Variants in TPPP observed in about 807,000 individuals in gnomAD.
The protein encoded by TPPP is tubulin polymerization-promoting protein.
Under a neutral mutation model 15.5 loss-of-function variants are expected in TPPP, and 6 were observed. That is an observed-to-expected ratio of 0.39 (90% CI 0.21 to 0.77). The LOEUF is 0.77. Among genes scored for constraint, TPPP ranks in the 30% least tolerant of loss-of-function variants. The pLI is 0.42. For missense variants in TPPP, 269 were observed against 307.2 expected, an observed-to-expected ratio of 0.88 and a Z score of 0.93; for synonymous variants, 146 against 133.9, an observed-to-expected ratio of 1.09 and a Z score of -0.63.
At chr5:672,927 C>T (rs1171168439) in intron 2 of TPPP, among the ~76,000 whole-genome samples, 4 of 152,226 alleles carry the variant, frequency 2.6e-5, no homozygotes, top group South Asian at 2.1e-4. Context: ...GCCATGGCAA[C>T]GAGGACTAAA....
chr5:700,246 T>A, the TPPP span, among the ~76,000 whole-genome samples: 3 of 151,966 alleles, frequency 2.0e-5, no homozygotes, highest in African/African-American at 7.2e-5. Context: ...ATACACAAGG[T>A]AATACTACCC....
rs1739828536 is a variant in TPPP, at chr5:664,879, G to A, written c.*223C>T. 5.2e-6 allele frequency: 3 copies of A among 579,944 alleles called. No homozygotes were observed. The Admixed American group carries it at 9.3e-5, about 18-fold the overall frequency. 35.9% of individuals were successfully genotyped at this position (579,944 alleles called of 1,614,324 possible). ...GCTGAGGACGAGGCAGGTGTATTAG[G>A]AGGGTCAGCGAACTGGGGCCCAAAC... On this transcript the variant is annotated 3_prime_UTR_variant, in exon 4 of 4. Coordinates refer to ENST00000360578, the MANE Select transcript of TPPP (RefSeq NM_007030.3).
At chr5:692,648 G>A in intron 1 of TPPP, 3 of 983,396 alleles carry the variant, frequency 3.1e-6, no homozygotes, top group Non-Finnish European at 2.4e-6. Flanking sequence ...GCGGGAAGGT[G>A]TCCCGGCAGC....
chr5:678,121 G>T (rs1246452434), intron 1 of TPPP, 57 bp from the exon 2 acceptor site: 2 of 1,444,044 alleles, frequency 1.4e-6, no homozygotes, highest in East Asian at 5.0e-5. Flanking sequence ...GCTGAGCCGG[G>T]TGCAGCCCAG....
chr5:670,766 A>G (rs1038062923), intron 2 of TPPP, among the ~76,000 whole-genome samples: 7 of 152,170 alleles, frequency 4.6e-5, no homozygotes, highest in Non-Finnish European at 2.9e-5. Flanking sequence ...CAAGATACAG[A>G]GGACCTAGAG....
At chr5:673,947 G>T (rs767247075) in intron 2 of TPPP, among the ~76,000 whole-genome samples, 1 of 152,230 alleles carries the variant, frequency 6.6e-6, no homozygotes, top group South Asian at 2.1e-4. Context: ...GCAGGCGTGT[G>T]TGTGCACATG....
chr5:681,831 G>A (rs1291580315), intron 1 of TPPP, among the ~76,000 whole-genome samples: 1 of 152,238 alleles, frequency 6.6e-6, no homozygotes, highest in African/African-American at 2.4e-5. Context: ...ACCTCAGAGT[G>A]GGGCAGGCAA....
rs1292306100 is a variant in TPPP, at chr5:660,949, A to G, written c.*4153T>C. On this transcript the variant is annotated 3_prime_UTR_variant, in exon 4 of 4. Coordinates refer to ENST00000360578, the MANE Select transcript of TPPP (RefSeq NM_007030.3). Reference sequence around the variant, plus strand: ...CCATCTGCGCCCAAACTTGGACAGGATATTAGAAGGTGTAAAAGTAGTCCA... The same window carrying G: ...CCATCTGCGCCCAAACTTGGACAGGGTATTAGAAGGTGTAAAAGTAGTCCA... The G allele has an allele frequency of 1.3e-5, 2 of 152,270 alleles. No homozygotes were observed. Among genetic ancestry groups the G allele is most frequent in the Admixed American group, 6.5e-5 (1 of 15,288 alleles). 9.4% of individuals were successfully genotyped at this position (152,270 alleles called of 1,614,324 possible).
At chr5:673,950 T>TGCACATGCGGCCATGTGCATGC (rs1365469806) in intron 2 of TPPP, among the ~76,000 whole-genome samples, 2 of 152,236 alleles carry the variant, frequency 1.3e-5, no homozygotes, top group Non-Finnish European at 2.9e-5. Flanking sequence ...GGCGTGTGTG[T>TGCACATGCGGCCATGTGCATGC]GCACATGCGG....
intron 2 of TPPP, chr5:676,669 C>T (rs1580089798): frequency 6.6e-6 from 1 of 152,184 alleles, no homozygotes; most frequent in Non-Finnish European, 1.5e-5. Context: ...GGTGGGGTGT[C>T]GGGACATGAG....
intron 2 of TPPP, among the ~76,000 whole-genome samples, chr5:668,267 G>T (rs564222822): frequency 3.1e-4 from 8 of 25,738 alleles, no homozygotes; most frequent in African/African-American, 2.7e-3. Flanking sequence ...ACAAGCACAC[G>T]GAGAGGGGTC....
intron 1 of TPPP, among the ~76,000 whole-genome samples, chr5:686,560 A>G (rs384674): frequency 0.67 from 84,504 of 125,932 alleles, 30,564 homozygotes; most frequent in African/African-American, 0.9. Context: ...AGGCAGCTGG[A>G]ACCAGGGCAG....
chr5:694,337 C>A (rs1161551934), upstream of TPPP, among the ~76,000 whole-genome samples: 406 of 141,696 alleles, frequency 2.9e-3, no homozygotes, highest in Non-Finnish European at 6.0e-4. Flanking sequence ...GCGCAGCCCC[C>A]CAGGAGGAAG....
intron 1 of TPPP, among the ~76,000 whole-genome samples, chr5:678,279 C>T (rs558329106): frequency 4.7e-5 from 7 of 148,034 alleles, no homozygotes; most frequent in Non-Finnish European, 7.4e-5. Flanking sequence ...TGGAGCCAAG[C>T]GAGGCCTTGC....
chr5:685,698 T>C (rs898510557), intron 1 of TPPP, among the ~76,000 whole-genome samples: 5 of 152,164 alleles, frequency 3.3e-5, no homozygotes, highest in African/African-American at 1.2e-4. Context: ...GGGAACCACA[T>C]CTTGGCCCCC....
At chr5:681,545 AG>A (rs1740622024) in intron 1 of TPPP, among the ~76,000 whole-genome samples, 1 of 152,120 alleles carries the variant, frequency 6.6e-6, no homozygotes, top group Non-Finnish European at 1.5e-5. Flanking sequence ...CCCTGGTAGG[AG>A]GGACGTGCCA....
intron 2 of TPPP, among the ~76,000 whole-genome samples, chr5:674,671 G>C (rs1002492390): frequency 3.3e-5 from 5 of 151,624 alleles, no homozygotes; most frequent in African/African-American, 4.9e-5. Flanking sequence ...CAGCTGGCTG[G>C]GGCCATCTAC....
chr5:678,008 G>A lies in TPPP; in HGVS notation c.53C>T (p.Ser18Phe). 6.2e-7 allele frequency: 1 copy of A among 1,602,626 alleles called. No homozygotes were observed. Among genetic ancestry groups the A allele is most frequent in the Non-Finnish European group, 8.5e-7 (1 of 1,175,236 alleles). The change falls in exon 2 of 4, where the codon TCC becomes TTC. Residue 18 changes from serine to phenylalanine, a missense_variant. Ser to Phe is a radical substitution (Grantham distance 155). Transcript: ENST00000360578. ...CCGGTCCTTCGAGGGGTCCCCCGGG[G>A]ACTTGGGGGGCGTCCTGTTGGCAGC... is the stretch of plus-strand genomic sequence containing the variant. The part of the protein sequence containing the change: ...AKAANRTPPK[S>F]PGDPSKDRAA...
rs933049593 is a variant in TPPP at position 663,239 on chromosome 5, A to C, written c.*1863T>G. 3.3e-5 allele frequency: 5 copies of C among 152,060 alleles called. No homozygotes were observed. Among genetic ancestry groups the C allele is most frequent in the Non-Finnish European group, 7.4e-5 (5 of 67,980 alleles). The allele number at this position is 152,060 out of a possible 1,614,324, so 9.4% of individuals were successfully genotyped here. A position where few individuals can be genotyped will look rare whatever the true frequency, so the allele number is the denominator to read the frequency against. On this transcript the variant is annotated 3_prime_UTR_variant, in exon 4 of 4. Coordinates refer to ENST00000360578, the MANE Select transcript of TPPP (RefSeq NM_007030.3). ...TCGGGTGATTCCGAACCGCACATTC[A>C]GAGTTGTTTTCAAATGTTTCCGCAC... is the stretch of plus-strand genomic sequence containing the variant.
Sources: gnomAD v4.1 joint callset for allele counts (sites outside exome capture counted in the v4.1 genomes callset) on GRCh38, gnomAD v4.1.1 for gene constraint, MANE v1.5 for transcripts, NCBI Gene and HGNC (gene_info 2026-07-23, HGNC 2026-07-21) for gene names.